CCDC171: variants seen among roughly 807,000 people sequenced by gnomAD.
CCDC171 encodes the protein coiled-coil domain containing 171.
A neutral mutation model predicts 168.2 loss-of-function variants in CCDC171; 177 were observed. The ratio of observed to expected loss-of-function variants is 1.05; its 90% CI spans 0.93 to 1.19. The LOEUF is 1.19. Among genes scored for constraint, CCDC171 ranks in the 50% most tolerant of loss-of-function variants. The pLI, the probability that CCDC171 is intolerant of heterozygous loss-of-function variation, is 0.00. For missense variants in CCDC171, 1,991 were observed against 1,539.0 expected (o/e 1.29, Z -4.91); for synonymous variants, 687 against 540.8 (o/e 1.27, Z -3.75).
chr9:15,806,826 T>G (rs2059105165), intron 21 of CCDC171, among the ~76,000 whole-genome samples: 1 of 152,152 alleles, frequency 6.6e-6, no homozygotes, highest in African/African-American at 2.4e-5. Context: ...TTTCCTGACT[T>G]GTTTGCTTTC....
At chr9:15,748,758 C>T (rs2134754035) in intron 18 of CCDC171, among the ~76,000 whole-genome samples, 1 of 152,250 alleles carries the variant, frequency 6.6e-6, no homozygotes, top group South Asian at 2.1e-4. Flanking sequence ...AAATCCTTTA[C>T]AGACAAGCAA....
Position 15,874,672 on chromosome 9 carries a change from C to G in CCDC171, c.3600+9C>G. 6.4e-7 allele frequency: 1 copy of G among 1,560,880 alleles called. No individual in the cohort carries two copies. Among genetic ancestry groups the G allele is most frequent in the South Asian group, 1.2e-5 (1 of 82,554 alleles). Reference sequence around the variant, plus strand: ...AGGTGGTAGCATGCCAGGTTAGAGTCTAAATAACATTGTTTGCTACTGAGA... The same window carrying G: ...AGGTGGTAGCATGCCAGGTTAGAGTGTAAATAACATTGTTTGCTACTGAGA... On this transcript the variant is annotated intron_variant, in intron 24 of 25. Coordinates refer to ENST00000380701, the MANE Select transcript of CCDC171 (RefSeq NM_173550.4).
At chr9:16,069,410 C>A in the CCDC171 span, among the ~76,000 whole-genome samples, 2 of 151,934 alleles carry the variant, frequency 1.3e-5, no homozygotes, top group African/African-American at 2.4e-5. Flanking sequence ...CAGCGGTGTG[C>A]ATGTGCATGT....
intron 21 of CCDC171, among the ~76,000 whole-genome samples, chr9:15,836,288 G>C (rs1563839523): frequency 1.3e-5 from 2 of 152,170 alleles, no homozygotes; most frequent in African/African-American, 4.8e-5. Context: ...TGCTTCATAT[G>C]TCCATACCCC....
chr9:15,733,960 A>T (rs1371162130), intron 16 of CCDC171, among the ~76,000 whole-genome samples: 3 of 152,004 alleles, frequency 2.0e-5, no homozygotes, highest in Non-Finnish European at 4.4e-5. Flanking sequence ...TTTTTTGTAG[A>T]GATGAGGTCT....
intron 6 of CCDC171, among the ~76,000 whole-genome samples, chr9:16,028,701 C>G (rs1406498940): frequency 1.3e-5 from 2 of 152,092 alleles, no homozygotes; most frequent in African/African-American, 2.4e-5. Flanking sequence ...GAGAATAATT[C>G]ACTGACTGAG....
At chr9:16,087,340 T>C in the CCDC171 span, among the ~76,000 whole-genome samples, 1 of 152,114 alleles carries the variant, frequency 6.6e-6, no homozygotes, top group African/African-American at 2.4e-5. Context: ...TGTTAAAGCC[T>C]CCCACTATTA....
intron 25 of CCDC171, among the ~76,000 whole-genome samples, chr9:15,941,708 A>G (rs1827756787): frequency 6.6e-6 from 1 of 151,982 alleles, no homozygotes; most frequent in South Asian, 2.1e-4. Flanking sequence ...GAAGTGCTAG[A>G]CAGTAGCAGC....
chr9:15,660,012 G>C, intron 8 of CCDC171, among the ~76,000 whole-genome samples: 1 of 152,054 alleles, frequency 6.6e-6, no homozygotes, highest in Admixed American at 6.5e-5. Flanking sequence ...CATTTTTAAA[G>C]ACTTACACTT....
At chr9:15,837,537 T>G (rs2136322851) in intron 21 of CCDC171, among the ~76,000 whole-genome samples, 1 of 152,328 alleles carries the variant, frequency 6.6e-6, no homozygotes, top group East Asian at 1.9e-4. Context: ...TTTTCAACTA[T>G]TACTGCCTGA....
intron 21 of CCDC171, among the ~76,000 whole-genome samples, chr9:15,833,588 C>T (rs1445655975): frequency 6.6e-6 from 1 of 152,014 alleles, no homozygotes; most frequent in African/African-American, 2.4e-5. Context: ...ATTTTATTAT[C>T]TTATGACTTG....
chr9:16,013,724 A>T (rs2987090), intron 3 of CCDC171, among the ~76,000 whole-genome samples: 90,976 of 152,192 alleles, frequency 0.6, 27,417 homozygotes, highest in East Asian at 0.76. Flanking sequence ...GTCACAGATA[A>T]TTTTTAATTT....
chr9:16,014,118 C>T (rs1012201369), intron 3 of CCDC171, among the ~76,000 whole-genome samples: 9 of 152,234 alleles, frequency 5.9e-5, no homozygotes, highest in Non-Finnish European at 1.0e-4. Context: ...TGTGTCAGTC[C>T]TCTCAACCCT....
chr9:15,997,221 A>G (rs1832402412), intron 3 of CCDC171, among the ~76,000 whole-genome samples: 1 of 152,142 alleles, frequency 6.6e-6, no homozygotes, highest in African/African-American at 2.4e-5. Context: ...CAGTGCAGAT[A>G]AGGTAAAGCC....
the CCDC171 span, among the ~76,000 whole-genome samples, chr9:16,076,245 T>C: frequency 1.3e-5 from 2 of 151,952 alleles, no homozygotes; most frequent in Non-Finnish European, 2.9e-5. Context: ...GACAGGTAAT[T>C]ATCCCTCAGA....
At chr9:15,914,845 G>C (rs1363619451) in intron 24 of CCDC171, among the ~76,000 whole-genome samples, 3 of 152,170 alleles carry the variant, frequency 2.0e-5, no homozygotes, top group Non-Finnish European at 4.4e-5. Flanking sequence ...ATCTGTGCCG[G>C]ATAGCACCAT....
intron 8 of CCDC171, among the ~76,000 whole-genome samples, chr9:15,657,750 A>G (rs1019706305): frequency 6.6e-6 from 1 of 152,200 alleles, no homozygotes; most frequent in Non-Finnish European, 1.5e-5. Flanking sequence ...ACATAGAAGT[A>G]CAAAATACTG....
intron 7 of CCDC171, among the ~76,000 whole-genome samples, chr9:15,632,834 A>G (rs1218158798): frequency 2.0e-5 from 3 of 152,238 alleles, no homozygotes; most frequent in South Asian, 2.1e-4. Context: ...ATATAGATCA[A>G]TAGAACAGAA....
At chr9:16,031,214 C>T (rs904766489) in intron 6 of CCDC171, among the ~76,000 whole-genome samples, 1 of 152,200 alleles carries the variant, frequency 6.6e-6, no homozygotes, top group Non-Finnish European at 1.5e-5. Context: ...AAAATAGCTT[C>T]TCCCAACTGG....
Sources: gnomAD v4.1 joint callset for allele counts (sites outside exome capture counted in the v4.1 genomes callset) on GRCh38, gnomAD v4.1.1 for gene constraint, MANE v1.5 for transcripts, NCBI Gene and HGNC (gene_info 2026-07-23, HGNC 2026-07-21) for gene names.